Variants in FHIT observed in about 807,000 individuals in gnomAD.
FHIT encodes the protein fragile histidine triad diadenosine triphosphatase, also known as bis(5'-adenosyl)-triphosphatase.
A neutral mutation model predicts 17.9 loss-of-function variants in FHIT; 19 were observed. That is an observed-to-expected ratio of 1.06 (90% CI 0.74 to 1.56). The LOEUF is 1.56. FHIT is among the 40% of genes most tolerant of loss of function. The pLI, the probability that FHIT is intolerant of heterozygous loss-of-function variation, is 0.00. For missense variants in FHIT, 248 were observed against 189.2 expected, an observed-to-expected ratio of 1.31 and a Z score of -1.82; for synonymous variants, 81 against 69.7, an observed-to-expected ratio of 1.16 and a Z score of -0.81.
At position 59,952,065 on chromosome 3, in the gene FHIT, T is replaced by C. The variant is rs894781219; in HGVS notation, c.280-29651A>G. 2.0e-5 allele frequency among the ~76,000 whole-genome samples: 3 copies of C among 152,196 alleles called. No individual in the cohort carries two copies. The South Asian group carries it at 6.2e-4, about 31-fold the overall frequency. On this transcript the variant is annotated intron_variant, in intron 7 of 9. Transcript: ENST00000492590. ...TCATCCTGGGCACCTAAAGGGGTAC[T>C]GAGAATGGTCCCTCCCACAGCTTTG...
At chr3:59,972,340 G>C (rs965752044) in intron 7 of FHIT, among the ~76,000 whole-genome samples, 1 of 152,118 alleles carries the variant, frequency 6.6e-6, no homozygotes, top group Non-Finnish European at 1.5e-5. Context: ...ACTCAAGTGT[G>C]TCTCTCATGA....
chr3:60,281,571 A>C (rs548139953), intron 5 of FHIT, among the ~76,000 whole-genome samples: 40 of 151,198 alleles, frequency 2.6e-4, no homozygotes, highest in African/African-American at 9.7e-4. Flanking sequence ...AGCAAAGGCA[A>C]TTCAATAGAC....
At position 60,351,777 on chromosome 3, in the gene FHIT, T is replaced by C. The variant is rs146791133; in HGVS notation, c.103+185083A>G. On this transcript the variant is annotated intron_variant, in intron 5 of 9. Coordinates refer to ENST00000492590, the MANE Select transcript of FHIT (RefSeq NM_002012.4). ...TCGCAAGGAAACCAGTCAGTCATCT[T>C]TGTCATTCTCTGCTCATATCTTATT... is the stretch of plus-strand genomic sequence containing the variant. 8.2e-3 allele frequency among the ~76,000 whole-genome samples: 1,252 copies of C among 152,276 alleles called. 18 individuals are homozygous for C. The highest frequency in any genetic ancestry group is 0.029 in the African/African-American group (1,189 of 41,566).
chr3:59,766,785 C>T (rs1701817737), intron 8 of FHIT, among the ~76,000 whole-genome samples: 1 of 152,136 alleles, frequency 6.6e-6, no homozygotes, highest in South Asian at 2.1e-4. Context: ...ACACTGATTG[C>T]TATTTGGGTA....
At chr3:60,634,027 A>G (rs1406480842) in intron 4 of FHIT, among the ~76,000 whole-genome samples, 8 of 152,204 alleles carry the variant, frequency 5.3e-5, no homozygotes, top group African/African-American at 1.7e-4. Flanking sequence ...CTGTACTGTA[A>G]GTAGAAATCA....
intron 3 of FHIT, among the ~76,000 whole-genome samples, chr3:61,016,326 T>C (rs188290853): frequency 2.0e-5 from 3 of 152,250 alleles, no homozygotes; most frequent in Admixed American, 1.3e-4. Context: ...AGTTTATCCC[T>C]AGGGTAGAAA....
intron 5 of FHIT, among the ~76,000 whole-genome samples, chr3:60,394,478 A>G (rs1701356319): frequency 6.6e-6 from 1 of 152,168 alleles, no homozygotes; most frequent in African/African-American, 2.4e-5. Flanking sequence ...AATCAAGAGG[A>G]CTGAAAGCAG....
At chr3:60,884,192 C>T (rs1033838479) in intron 3 of FHIT, among the ~76,000 whole-genome samples, 8 of 151,922 alleles carry the variant, frequency 5.3e-5, no homozygotes, top group African/African-American at 1.9e-4. Context: ...ATAATGGCTA[C>T]TATGAAAAAG....
chr3:60,188,733 T>A (rs1702272355), intron 5 of FHIT, among the ~76,000 whole-genome samples: 3 of 152,140 alleles, frequency 2.0e-5, no homozygotes, highest in Admixed American at 2.0e-4. Context: ...AAGACAAACA[T>A]GCACAATTTC....
chr3:60,000,800 T>A (rs1392637864), intron 7 of FHIT, among the ~76,000 whole-genome samples: 1 of 152,122 alleles, frequency 6.6e-6, no homozygotes, highest in Non-Finnish European at 1.5e-5. Context: ...TGAATTACAA[T>A]TCCTTACCAC....
chr3:61,053,070 C>T (rs536397314), intron 2 of FHIT, among the ~76,000 whole-genome samples: 5 of 151,918 alleles, frequency 3.3e-5, no homozygotes, highest in Non-Finnish European at 7.4e-5. Flanking sequence ...AATAATGAAA[C>T]CAGGGAATGA....
At chr3:61,112,232 C>T (rs942087544) in intron 2 of FHIT, among the ~76,000 whole-genome samples, 5 of 151,436 alleles carry the variant, frequency 3.3e-5, no homozygotes, top group Admixed American at 6.6e-5. Context: ...CAATAAAAAG[C>T]TGCTTTAGCA....
chr3:60,786,363 A>T (rs1421387522), intron 4 of FHIT, among the ~76,000 whole-genome samples: 1 of 152,224 alleles, frequency 6.6e-6, no homozygotes, highest in African/African-American at 2.4e-5. Flanking sequence ...GCTTTAGTTG[A>T]TATCTTAAAA....
At chr3:60,169,586 T>C (rs1240756925) in intron 5 of FHIT, among the ~76,000 whole-genome samples, 1 of 152,180 alleles carries the variant, frequency 6.6e-6, no homozygotes, top group Admixed American at 6.5e-5. Context: ...CTTAGAAACA[T>C]CACAACCCAT....
At chr3:59,911,890 A>T (rs749791587) in intron 8 of FHIT, among the ~76,000 whole-genome samples, 2 of 152,158 alleles carry the variant, frequency 1.3e-5, no homozygotes, top group Non-Finnish European at 2.9e-5. Flanking sequence ...CTACTCTATT[A>T]TGAAGTGGTA....
At chr3:60,232,686 T>C (rs994769055) in intron 5 of FHIT, among the ~76,000 whole-genome samples, 1 of 152,176 alleles carries the variant, frequency 6.6e-6, no homozygotes, top group African/African-American at 2.4e-5. Flanking sequence ...GCTAAAATCT[T>C]ATCTCCATCT....
At chr3:60,744,258 C>CAAAAAAAAAAAA (rs371224955) in intron 4 of FHIT, among the ~76,000 whole-genome samples, 4 of 95,638 alleles carry the variant, frequency 4.2e-5, no homozygotes, top group Non-Finnish European at 6.2e-5. Flanking sequence ...AAAAAAAAAA[C>CAAAAAAAAAAAA]AAAACAAAAC....
intron 4 of FHIT, among the ~76,000 whole-genome samples, chr3:60,631,898 A>G (rs1378434205): frequency 6.6e-6 from 1 of 152,180 alleles, no homozygotes. Flanking sequence ...TGAAAAAAAG[A>G]GTTAGCTGTT....
In FHIT at chr3:60,808,298, A is replaced by AT. The variant is rs57383382; in HGVS notation, c.-18+13620dup. Among the ~76,000 whole-genome samples, 212 of 152,204 alleles carry AT rather than the reference A, an allele frequency of 1.4e-3. 2 individuals carry two copies. The highest frequency in any genetic ancestry group is 4.9e-3 in the African/African-American group (204 of 41,504). On this transcript the variant is annotated intron_variant, in intron 4 of 9. Transcript: ENST00000492590. ...TTAAAAGGAGGAAAAGTGAGCACTA[A>AT]TTTTTTTATTTCAACTGTATCTTTT... is the stretch of plus-strand genomic sequence containing the variant.
Sources: gnomAD v4.1 joint callset for allele counts (sites outside exome capture counted in the v4.1 genomes callset) on GRCh38, gnomAD v4.1.1 for gene constraint, MANE v1.5 for transcripts, NCBI Gene and HGNC (gene_info 2026-07-23, HGNC 2026-07-21) for gene names.